Variants in ABL1 observed in about 807,000 individuals in gnomAD.
The protein encoded by ABL1 is ABL proto-oncogene 1, non-receptor tyrosine kinase.
A neutral mutation model predicts 94.7 loss-of-function variants in ABL1; 11 were observed. The observed-to-expected ratio is 0.12, with a 90% CI of 0.07 to 0.19. The LOEUF (loss-of-function observed/expected upper bound fraction) is 0.19, where lower values mean the gene tolerates loss of function less well. ABL1 is among the 10% of genes least tolerant of loss of function. The pLI is 1.00. For missense variants in ABL1, 1,082 were observed against 1,489.4 expected (o/e 0.73, Z 4.50); for synonymous variants, 656 against 622.4 (o/e 1.05, Z -0.80).
At chr9:130,850,006 T>A (rs1365127871) in intron 1 of ABL1, among the ~76,000 whole-genome samples, 1 of 152,192 alleles carries the variant, frequency 6.6e-6, no homozygotes, top group African/African-American at 2.4e-5. Flanking sequence ...ACTGACTTGC[T>A]AAATTGACCG....
chr9:130,752,740 C>G (rs1477635696), intron 1 of ABL1, among the ~76,000 whole-genome samples: 1 of 151,942 alleles, frequency 6.6e-6, no homozygotes, highest in Non-Finnish European at 1.5e-5. Flanking sequence ...GGACAGATCA[C>G]TGGAGGCCAG....
intron 1 of ABL1, among the ~76,000 whole-genome samples, chr9:130,796,876 C>T (rs1357603855): frequency 2.1e-5 from 3 of 144,194 alleles, no homozygotes; most frequent in Non-Finnish European, 3.0e-5. Context: ...GCTGAGATCA[C>T]GCCATTGCAC....
intron 4 of ABL1, among the ~76,000 whole-genome samples, chr9:130,864,369 C>G (rs940839819): frequency 6.6e-6 from 1 of 152,116 alleles, no homozygotes; most frequent in Non-Finnish European, 1.5e-5. Context: ...CTCAGCCTCA[C>G]GAGTAGCTGG....
intron 4 of ABL1, among the ~76,000 whole-genome samples, chr9:130,870,822 A>G (rs35159539): frequency 5.9e-4 from 90 of 152,312 alleles, no homozygotes; most frequent in Non-Finnish European, 1.1e-3. Flanking sequence ...GAGCTAAGAG[A>G]TAATGGGCTG....
chr9:130,804,053 C>T (rs1830091261), intron 1 of ABL1, among the ~76,000 whole-genome samples: 1 of 150,860 alleles, frequency 6.6e-6, no homozygotes, highest in Admixed American at 6.6e-5. Flanking sequence ...TGAGTGAGAC[C>T]TCTTAAGAAA....
At chr9:130,724,930 C>T (rs1394965971) in intron 1 of ABL1, 2 of 358,282 alleles carry the variant, frequency 5.6e-6, no homozygotes, top group South Asian at 2.4e-5. Flanking sequence ...TTGCGCTTGG[C>T]GGGGTAGCCA....
chr9:130,843,140 A>G (rs1404010048), intron 1 of ABL1, among the ~76,000 whole-genome samples: 1 of 152,228 alleles, frequency 6.6e-6, no homozygotes, highest in Non-Finnish European at 1.5e-5. Context: ...GTAGCTAAAG[A>G]CAGACAAGTG....
intron 1 of ABL1, among the ~76,000 whole-genome samples, chr9:130,782,935 T>TG (rs1829774910): frequency 6.6e-6 from 1 of 152,226 alleles, no homozygotes; most frequent in South Asian, 2.1e-4. Context: ...TCTTAACACT[T>TG]GCTATCTCTC....
chr9:130,735,961 A>ATATATATATATATATATT (rs573602038), intron 1 of ABL1, among the ~76,000 whole-genome samples: 9 of 94,842 alleles, frequency 9.5e-5, no homozygotes, highest in African/African-American at 5.7e-4. Context: ...ATATATATAT[A>ATATATATATATATATATT]TTTTTTTTTT....
chr9:130,859,677 C>CT (rs869234280), intron 3 of ABL1, among the ~76,000 whole-genome samples: 2,661 of 78,444 alleles, frequency 0.034, 513 homozygotes, highest in East Asian at 0.076. Context: ...TCTTTCTTTC[C>CT]TTTTTTTTTT....
intron 1 of ABL1, among the ~76,000 whole-genome samples, chr9:130,802,454 C>A (rs1168123567): frequency 6.6e-6 from 1 of 152,138 alleles, no homozygotes; most frequent in Non-Finnish European, 1.5e-5. Context: ...TTTTGAAATG[C>A]ACATACTGTC....
intron 1 of ABL1, among the ~76,000 whole-genome samples, chr9:130,757,810 G>A (rs1393605567): frequency 1.3e-5 from 2 of 151,968 alleles, no homozygotes; most frequent in African/African-American, 4.8e-5. Flanking sequence ...CAAAGTGCTG[G>A]GATTACAGGC....
rs758255745 is a variant in ABL1 at position 130,874,957 on chromosome 9, C to T, written c.1175C>T (p.Thr392Ile). The T allele has an allele frequency of 1.2e-6, 2 of 1,614,166 alleles. No individual in the cohort carries two copies. Among genetic ancestry groups the T allele is most frequent in the Non-Finnish European group, 8.5e-7 (1 of 1,180,038 alleles). ...CTGAGCAGGTTGATGACAGGGGACA[C>T]CTACACAGCCCATGCTGGAGCCAAG... ...FGLSRLMTGD[T>I]YTAHAGAKFP... The change falls in exon 7 of 11, where the codon ACC (threonine) becomes ATC (isoleucine). Residue 392 changes from threonine (T) to isoleucine (I), a missense_variant. Transcript: ENST00000318560.
Position 130,854,131 on chromosome 9 carries a change from C to T in ABL1, c.147C>T (p.Asn49=). ...PQGLSEAARW[N]SKENLLAGPS... ...GTCTGAGTGAAGCCGCTCGTTGGAA[C>T]TCCAAGGAAAACCTTCTCGCTGGAC... The change falls in exon 2 of 11, where the codon AAC becomes AAT. Residue 49 remains asparagine, a synonymous_variant. Transcript: ENST00000318560. 2.5e-6 allele frequency: 4 copies of T among 1,614,194 alleles called. No homozygotes were observed. In the South Asian group the frequency reaches 3.3e-5, roughly 13 times the overall value.
intron 1 of ABL1, among the ~76,000 whole-genome samples, chr9:130,843,040 G>A (rs1263405666): frequency 6.6e-6 from 1 of 152,154 alleles, no homozygotes; most frequent in Non-Finnish European, 1.5e-5. Context: ...TCCTGGTCAG[G>A]TTGCATTTGT....
chr9:130,798,021 GAAGA>G (rs1398356025), intron 1 of ABL1, among the ~76,000 whole-genome samples: 1 of 152,128 alleles, frequency 6.6e-6, no homozygotes, highest in Non-Finnish European at 1.5e-5. Flanking sequence ...ACAGCTTCCA[GAAGA>G]AATAGTAGAA....
At chr9:130,839,904 T>C (rs13287613) in intron 1 of ABL1, among the ~76,000 whole-genome samples, 34,807 of 152,098 alleles carry the variant, frequency 0.23, 5,054 homozygotes, top group African/African-American at 0.41. Flanking sequence ...AGCCAGCCAG[T>C]CTGGACCCAA....
intron 1 of ABL1, among the ~76,000 whole-genome samples, chr9:130,715,800 C>T (rs1490367585): frequency 6.6e-6 from 1 of 152,130 alleles, no homozygotes; most frequent in Non-Finnish European, 1.5e-5. Flanking sequence ...CAGTGTAGTT[C>T]CCTGTGTGTC....
intron 1 of ABL1, among the ~76,000 whole-genome samples, chr9:130,816,995 C>A (rs975349615): frequency 6.6e-6 from 1 of 152,216 alleles, no homozygotes; most frequent in Non-Finnish European, 1.5e-5. Flanking sequence ...CGTGAGCCAC[C>A]GCCTGGTCTC....
Sources: gnomAD v4.1 joint callset for allele counts (sites outside exome capture counted in the v4.1 genomes callset) on GRCh38, gnomAD v4.1.1 for gene constraint, MANE v1.5 for transcripts, NCBI Gene and HGNC (gene_info 2026-07-23, HGNC 2026-07-21) for gene names.